NEGR1: variants seen among roughly 807,000 people sequenced by gnomAD.
NEGR1 encodes the protein neuronal growth regulator 1, also known as IgLON family member 4.
Under a neutral mutation model 40.9 loss-of-function variants are expected in NEGR1, and 10 were observed. That is an observed-to-expected ratio of 0.24 (90% CI 0.15 to 0.42). The LOEUF (loss-of-function observed/expected upper bound fraction) is 0.42. Among genes scored for constraint, NEGR1 ranks in the 10% least tolerant of loss-of-function variants. The probability of loss-of-function intolerance (pLI) is 1.00; values close to 1 mark genes in which losing one functional copy is unlikely to be tolerated. For synonymous variants in NEGR1, 185 were observed against 166.8 expected (o/e 1.11, Z -0.84); for missense variants, 352 against 438.9 (o/e 0.80, Z 1.77).
chr1:71,688,323 T>TATATATATATATATATAG (rs1653111025), intron 4 of NEGR1, among the ~76,000 whole-genome samples: 1 of 112,866 alleles, frequency 8.9e-6, no homozygotes, highest in Non-Finnish European at 1.8e-5. Flanking sequence ...TATATATATA[T>TATATATATATATATATAG]ATATAGATAG....
intron 6 of NEGR1, among the ~76,000 whole-genome samples, chr1:71,470,090 T>A (rs1179260583): frequency 6.6e-6 from 1 of 152,116 alleles, no homozygotes; most frequent in African/African-American, 2.4e-5. Context: ...ATATCTTTTT[T>A]CCAACCAAGG....
At chr1:71,739,397 G>C (rs1391403183) in intron 3 of NEGR1, among the ~76,000 whole-genome samples, 1 of 151,368 alleles carries the variant, frequency 6.6e-6, no homozygotes, top group African/African-American at 2.4e-5. Context: ...GTGATTGTGT[G>C]AGTTAATACT....
chr1:72,060,209 AT>A (rs1647153528), intron 1 of NEGR1, among the ~76,000 whole-genome samples: 1 of 151,508 alleles, frequency 6.6e-6, no homozygotes. Context: ...ACCTATCTTG[AT>A]TTTTTTCCCT....
intron 4 of NEGR1, among the ~76,000 whole-genome samples, chr1:71,684,187 G>A (rs552241209): frequency 2.6e-5 from 4 of 152,088 alleles, no homozygotes; most frequent in East Asian, 1.9e-4. Flanking sequence ...GGAGAATGAC[G>A]TGAACCCGGG....
At chr1:72,265,293 A>G (rs1039427342) in intron 1 of NEGR1, among the ~76,000 whole-genome samples, 4 of 150,992 alleles carry the variant, frequency 2.6e-5, no homozygotes, top group African/African-American at 7.3e-5. Flanking sequence ...TTAGGAAGAT[A>G]GTTTTGTTAG....
intron 3 of NEGR1, among the ~76,000 whole-genome samples, chr1:71,748,602 T>A (rs1259294066): frequency 6.6e-6 from 1 of 152,172 alleles, no homozygotes; most frequent in African/African-American, 2.4e-5. Flanking sequence ...TTTGCATATT[T>A]ACTTATAATA....
At chr1:71,710,940 C>A (rs1328339325) in intron 3 of NEGR1, among the ~76,000 whole-genome samples, 1 of 152,082 alleles carries the variant, frequency 6.6e-6, no homozygotes. Context: ...ATACCCCATT[C>A]TCCATTATGT....
intron 1 of NEGR1, among the ~76,000 whole-genome samples, chr1:72,170,324 C>T (rs868376799): frequency 5.3e-5 from 8 of 151,998 alleles, no homozygotes; most frequent in Middle Eastern, 3.2e-3. Context: ...TTATTGTTTT[C>T]CCTGATTTAT....
chr1:72,192,989 T>C (rs1652872745), intron 1 of NEGR1, among the ~76,000 whole-genome samples: 2 of 151,792 alleles, frequency 1.3e-5, no homozygotes, highest in South Asian at 4.1e-4. Context: ...GCATTTAATT[T>C]TGAGCTCTGA....
At chr1:71,556,197 T>A (rs2101474622) in intron 6 of NEGR1, among the ~76,000 whole-genome samples, 1 of 151,694 alleles carries the variant, frequency 6.6e-6, no homozygotes. Context: ...AATCTCTCTG[T>A]TTTGCAAGGA....
intron 6 of NEGR1, among the ~76,000 whole-genome samples, chr1:71,482,840 C>A (rs1646862906): frequency 6.6e-6 from 1 of 151,686 alleles, no homozygotes; most frequent in South Asian, 2.1e-4. Flanking sequence ...CTATATACTG[C>A]CTGTATTAGG....
At chr1:71,468,909 T>G (rs1646764946) in intron 6 of NEGR1, 1 of 152,060 alleles carries the variant, frequency 6.6e-6, no homozygotes, top group Non-Finnish European at 1.5e-5. Context: ...TATTAAATAT[T>G]CAAGAAACTG....
intron 1 of NEGR1, among the ~76,000 whole-genome samples, chr1:72,192,339 C>A (rs1162644100): frequency 6.6e-6 from 1 of 151,592 alleles, no homozygotes; most frequent in African/African-American, 2.4e-5. Flanking sequence ...CTGGCTATGG[C>A]AAAAAGGCAC....
rs191657457 is a variant in NEGR1, at chr1:71,480,234, C to T, written c.941-72664G>A. The stretch of plus-strand genomic sequence containing the variant: ...GGAGAAATTCATTAAAGCCTCAAAA[C>T]AATCCTGTGAATCTGGCAATATTAT... On this transcript the variant is annotated intron_variant, in intron 6 of 6. Transcript: ENST00000357731. Among the ~76,000 whole-genome samples, 18 of 151,960 alleles carry T rather than the reference C, an allele frequency of 1.2e-4. No homozygotes were observed. In the East Asian group the frequency reaches 3.5e-3, roughly 30 times the overall value.
chr1:72,151,673 GACAA>G (rs1384442016), intron 1 of NEGR1, among the ~76,000 whole-genome samples: 3 of 151,590 alleles, frequency 2.0e-5, no homozygotes, highest in Admixed American at 6.6e-5. Flanking sequence ...AATTGTAAAA[GACAA>G]ACAAAATTGC....
At chr1:72,054,239 C>T (rs141187970) in intron 1 of NEGR1, among the ~76,000 whole-genome samples, 66 of 151,416 alleles carry the variant, frequency 4.4e-4, no homozygotes, top group Middle Eastern at 3.4e-3. Context: ...CATGCAGGGA[C>T]GCCCCTTAGG....
rs59343025 is a variant in NEGR1 at position 71,857,626 on chromosome 1, CAAAAAAA to C, written c.409+77446_409+77452del. Among the ~76,000 whole-genome samples the C allele has an allele frequency of 5.3e-3, 281 of 53,424 alleles. 1 individual carries two copies. Among genetic ancestry groups the C allele is most frequent in the African/African-American group, 0.019 (259 of 13,402 alleles). 35.0% of individuals were successfully genotyped at this position (53,424 alleles called of 152,430 possible). ...TAGGTGACAAAGTGAGATCCTGTCT[CAAAAAAA>C]AAAAAAAAAAAAAAAAAAAAAAATT... On this transcript the variant is annotated intron_variant, in intron 2 of 6. Transcript: ENST00000357731.
At chr1:72,255,118 A>G (rs1373853030) in intron 1 of NEGR1, among the ~76,000 whole-genome samples, 3 of 152,176 alleles carry the variant, frequency 2.0e-5, no homozygotes, top group Non-Finnish European at 4.4e-5. Flanking sequence ...GCATGCCCTG[A>G]AATGAAGTTG....
At chr1:71,725,906 C>G (rs938327829) in intron 3 of NEGR1, among the ~76,000 whole-genome samples, 11 of 152,144 alleles carry the variant, frequency 7.2e-5, no homozygotes, top group South Asian at 2.1e-4. Context: ...CAGCATCTCT[C>G]TACTTCTACA....
Sources: allele counts gnomAD v4.1 joint callset (sites outside exome capture counted in the v4.1 genomes callset), GRCh38; gene constraint gnomAD v4.1.1; transcripts MANE v1.5; gene names NCBI Gene and HGNC (gene_info 2026-07-23, HGNC 2026-07-21).